The following DPYD variants were observed in gnomAD, a reference collection of about 807,000 sequenced individuals.
The protein encoded by DPYD is dihydropyrimidine dehydrogenase.
Under a neutral mutation model 116.2 loss-of-function variants are expected in DPYD, and 109 were observed. That is an observed-to-expected ratio of 0.94 (90% CI 0.80 to 1.10). The LOEUF is 1.10. DPYD is among the 50% of genes least tolerant of loss of function. The probability of loss-of-function intolerance (pLI) is 0.00; values close to 1 mark genes in which losing one functional copy is unlikely to be tolerated. For missense variants in DPYD, 1,302 were observed against 1,254.5 expected, an observed-to-expected ratio of 1.04 and a Z score of -0.57; for synonymous variants, 440 against 432.0, an observed-to-expected ratio of 1.02 and a Z score of -0.23.
intron 2 of DPYD, among the ~76,000 whole-genome samples, chr1:97,859,489 G>A (rs1397899618): frequency 6.6e-6 from 1 of 152,118 alleles, no homozygotes; most frequent in Non-Finnish European, 1.5e-5. Context: ...AGGGGAGAAC[G>A]CTAAGTGAAA....
intron 3 of DPYD, among the ~76,000 whole-genome samples, chr1:97,822,504 C>A (rs1669003302): frequency 6.6e-6 from 1 of 150,792 alleles, no homozygotes; most frequent in African/African-American, 2.4e-5. Context: ...AAAATTTGTT[C>A]AGGGTTATAT....
chr1:97,744,076 ATACT>A (rs1010652729), intron 3 of DPYD, among the ~76,000 whole-genome samples: 4 of 152,094 alleles, frequency 2.6e-5, no homozygotes, highest in African/African-American at 9.7e-5. Flanking sequence ...AAAATATAGA[ATACT>A]TAATCAATGT....
chr1:97,578,666 T>C (rs1174783858), intron 10 of DPYD, among the ~76,000 whole-genome samples: 1 of 152,188 alleles, frequency 6.6e-6, no homozygotes, highest in Non-Finnish European at 1.5e-5. Flanking sequence ...TGATTCTAGT[T>C]GCTGAACCTC....
At chr1:97,180,965 C>G (rs1412281815) in intron 20 of DPYD, among the ~76,000 whole-genome samples, 1 of 152,146 alleles carries the variant, frequency 6.6e-6, no homozygotes, top group African/African-American at 2.4e-5. Flanking sequence ...TGTGATAAGG[C>G]AGTTGTAGCA....
intron 10 of DPYD, among the ~76,000 whole-genome samples, chr1:97,574,790 A>C (rs1272737543): frequency 6.6e-6 from 1 of 152,134 alleles, no homozygotes; most frequent in African/African-American, 2.4e-5. Context: ...TTTTTTAAAA[A>C]ATGCAAAAAT....
At chr1:97,876,178 T>C (rs1486079480) in intron 2 of DPYD, among the ~76,000 whole-genome samples, 1 of 152,040 alleles carries the variant, frequency 6.6e-6, no homozygotes, top group African/African-American at 2.4e-5. Flanking sequence ...CAGAAGTTAA[T>C]GTAATGACCA....
In DPYD at chr1:97,647,281, A is replaced by C. The variant is rs7526790; in HGVS notation, c.850+31814T>G. Reference sequence around the variant, plus strand: ...AAATACACATATATTCTTAAATTTTAACATTTATACATTTTCTTATAAGTA... The same window carrying C: ...AAATACACATATATTCTTAAATTTTCACATTTATACATTTTCTTATAAGTA... On this transcript the variant is annotated intron_variant, in intron 8 of 22. Transcript: ENST00000370192. 3.9e-3 allele frequency among the ~76,000 whole-genome samples: 586 copies of C among 152,198 alleles called. 2 individuals carry two copies. Among genetic ancestry groups the C allele is most frequent in the Non-Finnish European group, 6.0e-3 (405 of 67,954 alleles).
At chr1:97,232,059 T>C (rs919080295) in intron 19 of DPYD, among the ~76,000 whole-genome samples, 3 of 152,252 alleles carry the variant, frequency 2.0e-5, no homozygotes, top group Non-Finnish European at 2.9e-5. Context: ...ATCATTTTCT[T>C]TCTTCTGAAA....
rs75374276 is a variant in DPYD at position 97,628,662 on chromosome 1, T to C, written c.851-33496A>G. The stretch of plus-strand genomic sequence containing the variant: ...AGAAGGGTCATGATTTTTGAAATGA[T>C]AGCCAAGTCCAACTTAGACTTACAA... On this transcript the variant is annotated intron_variant, in intron 8 of 22. Transcript: ENST00000370192. 6.3e-3 allele frequency among the ~76,000 whole-genome samples: 964 copies of C among 152,128 alleles called. 14 individuals carry two copies. The highest frequency in any genetic ancestry group is 0.022 in the African/African-American group (917 of 41,524).
intron 12 of DPYD, among the ~76,000 whole-genome samples, chr1:97,549,199 T>C (rs555978674): frequency 6.6e-5 from 10 of 152,154 alleles, no homozygotes; most frequent in African/African-American, 2.4e-4. Context: ...CCCAAGAAGC[T>C]CGTACCACAG....
chr1:97,128,780 G>A (rs1488270804), intron 20 of DPYD, among the ~76,000 whole-genome samples: 4 of 152,028 alleles, frequency 2.6e-5, no homozygotes, highest in Non-Finnish European at 5.9e-5. Flanking sequence ...TGCTATTAGG[G>A]TATTTTTGTT....
intron 12 of DPYD, among the ~76,000 whole-genome samples, chr1:97,543,510 C>A (rs1419696382): frequency 6.6e-6 from 1 of 152,162 alleles, no homozygotes. Flanking sequence ...ATACTATAAT[C>A]TGTTTATAAA....
chr1:97,273,557 A>C (rs1664735533), intron 18 of DPYD, among the ~76,000 whole-genome samples: 1 of 152,124 alleles, frequency 6.6e-6, no homozygotes, highest in Non-Finnish European at 1.5e-5. Flanking sequence ...CAGTGTGGAG[A>C]GAGGACTAAG....
chr1:97,449,828 T>C (rs1676306893), intron 14 of DPYD, among the ~76,000 whole-genome samples: 1 of 152,230 alleles, frequency 6.6e-6, no homozygotes, highest in Non-Finnish European at 1.5e-5. Context: ...ATGTAGATAC[T>C]TCTTCCATCT....
chr1:97,604,425 AATT>A (rs1373962221), intron 8 of DPYD, among the ~76,000 whole-genome samples: 5 of 152,040 alleles, frequency 3.3e-5, no homozygotes, highest in African/African-American at 1.2e-4. Flanking sequence ...GCTACCATAT[AATT>A]ATTTTATCTG....
intron 3 of DPYD, among the ~76,000 whole-genome samples, chr1:97,772,114 T>C (rs1374471880): frequency 2.6e-5 from 4 of 152,218 alleles, no homozygotes; most frequent in Non-Finnish European, 5.9e-5. Flanking sequence ...TAAATTTTTT[T>C]ATCTCTTTAA....
At chr1:97,787,140 T>C (rs1330649301) in intron 3 of DPYD, among the ~76,000 whole-genome samples, 1 of 152,226 alleles carries the variant, frequency 6.6e-6, no homozygotes, top group East Asian at 1.9e-4. Context: ...TTTCAAGTTA[T>C]ATATGCACAC....
intron 19 of DPYD, among the ~76,000 whole-genome samples, chr1:97,220,551 T>G (rs762547326): frequency 2.0e-5 from 3 of 152,178 alleles, no homozygotes; most frequent in Non-Finnish European, 4.4e-5. Flanking sequence ...CCTTGTATCC[T>G]TGATGCTTGA....
At chr1:97,286,847 T>G (rs2100961006) in intron 18 of DPYD, among the ~76,000 whole-genome samples, 1 of 152,346 alleles carries the variant, frequency 6.6e-6, no homozygotes, top group East Asian at 1.9e-4. Flanking sequence ...ATTTTCAACT[T>G]GTTTGCCTTT....
Sources: gnomAD v4.1 joint callset for allele counts (sites outside exome capture counted in the v4.1 genomes callset) on GRCh38, gnomAD v4.1.1 for gene constraint, MANE v1.5 for transcripts, NCBI Gene and HGNC (gene_info 2026-07-23, HGNC 2026-07-21) for gene names.